CNTNAP2: variants seen among roughly 807,000 people sequenced by gnomAD.
CNTNAP2 encodes the protein contactin associated protein 2, also known as contactin-associated protein-like 2.
CNTNAP2 carries 98 observed loss-of-function variants against 155.2 expected under a neutral mutation model. The ratio of observed to expected loss-of-function variants is 0.63; its 90% confidence interval spans 0.54 to 0.75. The LOEUF (loss-of-function observed/expected upper bound fraction) is 0.75, where lower values mean the gene tolerates loss of function less well. Among genes scored for constraint, CNTNAP2 ranks in the 30% least tolerant of loss-of-function variants. The pLI is 0.00. For synonymous variants in CNTNAP2, 651 were observed against 631.2 expected, an observed-to-expected ratio of 1.03 and a Z score of -0.47; for missense variants, 1,727 against 1,688.1, an observed-to-expected ratio of 1.02 and a Z score of -0.40.
At chr7:146,929,948 C>A (rs1337261917) in intron 3 of CNTNAP2, among the ~76,000 whole-genome samples, 1 of 152,000 alleles carries the variant, frequency 6.6e-6, no homozygotes, top group African/African-American at 2.4e-5. Flanking sequence ...GTGAAAAGAC[C>A]AAATCTACGT....
intron 4 of CNTNAP2, among the ~76,000 whole-genome samples, chr7:147,097,817 G>T (rs950008113): frequency 1.3e-5 from 2 of 152,344 alleles, no homozygotes; most frequent in Admixed American, 1.3e-4. Flanking sequence ...ATTCGAATAT[G>T]TAGCGTGTTT....
intron 13 of CNTNAP2, among the ~76,000 whole-genome samples, chr7:147,734,411 A>T (rs1430654563): frequency 6.6e-6 from 1 of 152,050 alleles, no homozygotes; most frequent in African/African-American, 2.4e-5. Flanking sequence ...TGCTGGAGTC[A>T]ATTTGCCAGT....
In CNTNAP2 at chr7:147,323,542, A is replaced by T. The variant is rs969632640; in HGVS notation, c.1498+23252A>T. The stretch of plus-strand genomic sequence containing the variant: ...AGGTGTGGTGTGGTGCTGAAAAAAA[A>T]TGTATATTCTGTTGATTTGGGGTGG... On this transcript the variant is annotated intron_variant, in intron 9 of 23. Coordinates refer to ENST00000361727, the MANE Select transcript of CNTNAP2 (RefSeq NM_014141.6). 1.6e-4 allele frequency among the ~76,000 whole-genome samples: 24 copies of T among 150,078 alleles called. 1 individual carries two copies. Among genetic ancestry groups the T allele is most frequent in the African/African-American group, 5.9e-4 (24 of 40,422 alleles).
chr7:146,981,442 C>T (rs908635498), intron 3 of CNTNAP2, among the ~76,000 whole-genome samples: 2 of 152,154 alleles, frequency 1.3e-5, no homozygotes, highest in African/African-American at 4.8e-5. Flanking sequence ...TGCATAAATT[C>T]TCCTCATTCT....
At chr7:146,998,778 T>C (rs1011221291) in intron 3 of CNTNAP2, among the ~76,000 whole-genome samples, 10 of 152,020 alleles carry the variant, frequency 6.6e-5, no homozygotes, top group Admixed American at 2.0e-4. Flanking sequence ...AATGACCTTT[T>C]TGTCTCTTTT....
intron 19 of CNTNAP2, among the ~76,000 whole-genome samples, chr7:148,226,702 C>T (rs1393423694): frequency 2.0e-5 from 3 of 152,216 alleles, no homozygotes; most frequent in Non-Finnish European, 2.9e-5. Flanking sequence ...CAGCCCCTCC[C>T]ACGTGCTCGC....
At chr7:146,369,345 G>C (rs146883056) in intron 1 of CNTNAP2, among the ~76,000 whole-genome samples, 294 of 152,030 alleles carry the variant, frequency 1.9e-3, no homozygotes, top group African/African-American at 6.7e-3. Context: ...GGAATGTTTT[G>C]ATGTTTCGTA....
intron 1 of CNTNAP2, among the ~76,000 whole-genome samples, chr7:146,271,781 A>G (rs904983581): frequency 3.3e-5 from 5 of 152,112 alleles, no homozygotes; most frequent in Non-Finnish European, 5.9e-5. Context: ...ATTTTCTTAA[A>G]TTAAAAACCA....
intron 3 of CNTNAP2, among the ~76,000 whole-genome samples, chr7:147,002,613 A>T (rs1798445029): frequency 6.6e-6 from 1 of 152,160 alleles, no homozygotes; most frequent in African/African-American, 2.4e-5. Context: ...ACAAAATACC[A>T]TAAACTATCA....
chr7:146,901,635 A>G (rs1354018382), intron 3 of CNTNAP2, among the ~76,000 whole-genome samples: 1 of 152,198 alleles, frequency 6.6e-6, no homozygotes, highest in Non-Finnish European at 1.5e-5. Flanking sequence ...AAACTTAAAT[A>G]TGCAATGAGT....
chr7:147,847,306 T>A (rs1798828321), intron 13 of CNTNAP2, among the ~76,000 whole-genome samples: 1 of 93,714 alleles, frequency 1.1e-5, no homozygotes. Flanking sequence ...CTTTTTATTC[T>A]TTTTTCTCTA....
intron 13 of CNTNAP2, among the ~76,000 whole-genome samples, chr7:147,805,160 C>A (rs1798070295): frequency 6.6e-6 from 1 of 151,886 alleles, no homozygotes; most frequent in Non-Finnish European, 1.5e-5. Flanking sequence ...CAACCTCCAC[C>A]ACCCAGGTTC....
intron 1 of CNTNAP2, among the ~76,000 whole-genome samples, chr7:146,288,847 C>T (rs1800382777): frequency 7.4e-6 from 1 of 135,780 alleles, no homozygotes; most frequent in Non-Finnish European, 1.5e-5. Context: ...CTTTGTTGCC[C>T]AGGCTGGAGT....
chr7:146,924,947 A>T (rs1270910506), intron 3 of CNTNAP2, among the ~76,000 whole-genome samples: 1 of 152,170 alleles, frequency 6.6e-6, no homozygotes, highest in East Asian at 1.9e-4. Context: ...TCATGCAAAA[A>T]AAATTAAAAA....
At chr7:148,135,719 G>GGGT (rs551432963) in intron 16 of CNTNAP2, among the ~76,000 whole-genome samples, 3,615 of 151,130 alleles carry the variant, frequency 0.024, 60 homozygotes, top group Middle Eastern at 0.051. Flanking sequence ...TGTGGTGGCA[G>GGGT]GTGCGTGTAA....
At chr7:146,951,982 A>G (rs1000260652) in intron 3 of CNTNAP2, among the ~76,000 whole-genome samples, 2 of 152,090 alleles carry the variant, frequency 1.3e-5, no homozygotes, top group Admixed American at 6.6e-5. Context: ...ATAACAAAAG[A>G]AAATTTCAGG....
chr7:146,944,310 T>A (rs1426441857), intron 3 of CNTNAP2, among the ~76,000 whole-genome samples: 1 of 151,970 alleles, frequency 6.6e-6, no homozygotes, highest in Non-Finnish European at 1.5e-5. Flanking sequence ...ACCTGTGAAG[T>A]TCAAACCCAT....
At chr7:146,782,402 C>T (rs543189883) in intron 2 of CNTNAP2, among the ~76,000 whole-genome samples, 65 of 152,242 alleles carry the variant, frequency 4.3e-4, no homozygotes, top group Admixed American at 1.5e-3. Flanking sequence ...CCTGGAAACA[C>T]CTGCTGATTT....
chr7:147,315,993 TATTC>T (rs1172113124), intron 9 of CNTNAP2, among the ~76,000 whole-genome samples: 6 of 152,206 alleles, frequency 3.9e-5, no homozygotes, highest in African/African-American at 1.4e-4. Context: ...ATGAGACACT[TATTC>T]ATTCACAAGT....
Sources: gnomAD v4.1 joint callset for allele counts (sites outside exome capture counted in the v4.1 genomes callset) on GRCh38, gnomAD v4.1.1 for gene constraint, MANE v1.5 for transcripts, NCBI Gene and HGNC (gene_info 2026-07-23, HGNC 2026-07-21) for gene names.